The following IFT43 variants were observed in gnomAD, a reference collection of about 807,000 sequenced individuals.
IFT43 encodes the protein intraflagellar transport protein 43 homolog.
In IFT43, 33 loss-of-function variants were observed where a neutral mutation model predicts 32.3. The observed-to-expected ratio is 1.02, with a 90% confidence interval of 0.77 to 1.37. The LOEUF (loss-of-function observed/expected upper bound fraction) is 1.37. Ranked by LOEUF, IFT43 falls within the 40% of genes most tolerant of loss-of-function variation. The pLI, the probability that IFT43 is intolerant of heterozygous loss-of-function variation, is 0.00. For synonymous variants in IFT43, 93 were observed against 98.2 expected (o/e 0.95, Z 0.31); for missense variants, 274 against 265.9 (o/e 1.03, Z -0.21).
intron 2 of IFT43, among the ~76,000 whole-genome samples, chr14:76,015,689 T>C (rs2036175024): frequency 6.6e-6 from 1 of 152,154 alleles, no homozygotes; most frequent in African/African-American, 2.4e-5. Flanking sequence ...TGAGAGGAAA[T>C]GTGGCTTTGT....
intron 3 of IFT43, among the ~76,000 whole-genome samples, chr14:76,032,377 T>C (rs900196740): frequency 6.6e-6 from 1 of 152,166 alleles, no homozygotes; most frequent in Non-Finnish European, 1.5e-5. Flanking sequence ...ACCTTTTACT[T>C]GTATACTCAG....
At chr14:76,061,959 C>T (rs2037142582) in intron 5 of IFT43, among the ~76,000 whole-genome samples, 1 of 152,128 alleles carries the variant, frequency 6.6e-6, no homozygotes, top group Admixed American at 6.5e-5. Flanking sequence ...TAGGGATGCT[C>T]AGCCTGTACT....
Position 76,032,217 on chromosome 14 carries a change from A to G in IFT43, c.215+9823A>G, listed in dbSNP as rs144476113. Among the ~76,000 whole-genome samples the G allele has an allele frequency of 6.6e-3, 1,009 of 152,200 alleles. 9 individuals are homozygous for G. Among genetic ancestry groups the G allele is most frequent in the South Asian group, 0.02 (98 of 4,824 alleles). On this transcript the variant is annotated intron_variant, in intron 3 of 8. Transcript: ENST00000314067. ...TCTGCCAGCAAACCCTGTTAGGTCT[A>G]CTGTTGAAATACATCTGTTGTCTGA...
chr14:75,988,114 A>G (rs1050771405), intron 1 of IFT43, among the ~76,000 whole-genome samples: 7 of 152,198 alleles, frequency 4.6e-5, no homozygotes, highest in African/African-American at 1.4e-4. Flanking sequence ...TTGTAACTGC[A>G]TTTCTTTGGG....
intron 5 of IFT43, among the ~76,000 whole-genome samples, chr14:76,062,938 A>AAAAAAAAAAAAAAAAAAAGAAAAAAG (rs1485146040): frequency 5.8e-5 from 7 of 120,832 alleles, no homozygotes; most frequent in Admixed American, 1.0e-4. Context: ...AAAAAAAAAA[A>AAAAAAAAAAAAAAAAAAAGAAAAAAG]AAAGAAAATA....
intron 2 of IFT43, among the ~76,000 whole-genome samples, chr14:76,013,452 C>A (rs1303104597): frequency 1.3e-5 from 2 of 152,194 alleles, no homozygotes; most frequent in Non-Finnish European, 2.9e-5. Flanking sequence ...GGCAGCTGGT[C>A]ATAAAACGAG....
intron 5 of IFT43, among the ~76,000 whole-genome samples, chr14:76,081,864 G>A (rs1297188245): frequency 3.3e-5 from 5 of 152,108 alleles, no homozygotes; most frequent in Non-Finnish European, 7.3e-5. Context: ...TGCGGCATCC[G>A]CTTTGTGACA....
intron 3 of IFT43, among the ~76,000 whole-genome samples, chr14:76,027,965 T>C (rs2036435530): frequency 6.6e-6 from 1 of 152,094 alleles, no homozygotes; most frequent in South Asian, 2.1e-4. Flanking sequence ...CACCAAGACA[T>C]TGACTATTTT....
In IFT43 at chr14:75,987,202, G is replaced by A. The variant is rs1025846902; in HGVS notation, c.54+1362G>A. Reference sequence around the variant, plus strand: ...TTTTGTTTTAGCACAACCGCCATATGTAGGATGCTGTATTCAGATACTCAG... The same window carrying A: ...TTTTGTTTTAGCACAACCGCCATATATAGGATGCTGTATTCAGATACTCAG... On this transcript the variant is annotated intron_variant, in intron 1 of 8. Coordinates refer to ENST00000314067, the MANE Select transcript of IFT43 (RefSeq NM_001102564.3). Among the ~76,000 whole-genome samples the A allele has an allele frequency of 2.6e-5, 4 of 152,320 alleles. 1 individual carries two copies. The highest frequency in any genetic ancestry group is 9.6e-5 in the African/African-American group (4 of 41,582).
chr14:75,985,882 G>A (rs1363943932), intron 1 of IFT43, 42 bp downstream of exon 1: 4 of 1,608,290 alleles, frequency 2.5e-6, no homozygotes, highest in African/African-American at 1.3e-5. Flanking sequence ...GGATTTGGCG[G>A]GTGGGGAGGA....
chr14:76,001,117 G>A (rs2035877144), intron 2 of IFT43, among the ~76,000 whole-genome samples: 1 of 152,198 alleles, frequency 6.6e-6, no homozygotes, highest in South Asian at 2.1e-4. Context: ...ATTTTCAGTA[G>A]AGAAGCAGTA....
Position 76,062,938 on chromosome 14 carries a change from A to AAAAAAAAAAAAAAAAAGAAAAAAG in IFT43, c.295+3568_295+3569insAAAAAAAAAAAAAGAAAAAAGAAA, listed in dbSNP as rs1485146040. Among the ~76,000 whole-genome samples the AAAAAAAAAAAAAAAAAGAAAAAAG allele has an allele frequency of 1.0e-3, 125 of 120,796 alleles. 1 individual carries two copies. Among genetic ancestry groups the AAAAAAAAAAAAAAAAAGAAAAAAG allele is most frequent in the Non-Finnish European group, 1.4e-3 (83 of 60,930 alleles). The allele number at this position is 120,796 out of a possible 152,430, so 79.2% of individuals were successfully genotyped here. ...ATCTCAAAAAAAAAAAAAAAAAAAA[A>AAAAAAAAAAAAAAAAAGAAAAAAG]AAAGAAAATACATTAAGTCAAACCA... On this transcript the variant is annotated intron_variant, in intron 5 of 8. Coordinates refer to ENST00000314067, the MANE Select transcript of IFT43 (RefSeq NM_001102564.3).
At chr14:76,052,800 C>T (rs2036939792) in intron 3 of IFT43, among the ~76,000 whole-genome samples, 1 of 152,180 alleles carries the variant, frequency 6.6e-6, no homozygotes, top group Non-Finnish European at 1.5e-5. Flanking sequence ...GTAAATAAAA[C>T]ATATAATAAA....
At chr14:76,042,658 C>T (rs2036728799) in intron 3 of IFT43, among the ~76,000 whole-genome samples, 1 of 152,250 alleles carries the variant, frequency 6.6e-6, no homozygotes, top group Non-Finnish European at 1.5e-5. Flanking sequence ...CCTGCCAGCC[C>T]TGCCATTAAA....
intron 2 of IFT43, among the ~76,000 whole-genome samples, chr14:75,999,788 G>T (rs1288269852): frequency 5.9e-5 from 9 of 152,206 alleles, no homozygotes; most frequent in Admixed American, 5.9e-4. Flanking sequence ...GGGGCTGGGG[G>T]TTTTTAGGGC....
chr14:76,062,928 A>AG (rs1216965870), intron 5 of IFT43, among the ~76,000 whole-genome samples: 1 of 150,670 alleles, frequency 6.6e-6, no homozygotes, highest in Non-Finnish European at 1.5e-5. Flanking sequence ...AAAAAAAAAA[A>AG]AAAAAAAAAA....
chr14:76,058,267 G>A (rs2037062361), intron 3 of IFT43: 4 of 278,372 alleles, frequency 1.4e-5, no homozygotes, highest in Middle Eastern at 2.6e-3. Context: ...AGTGCTGACA[G>A]CTAACAACAC....
At chr14:76,017,483 T>C (rs888785280) in intron 2 of IFT43, among the ~76,000 whole-genome samples, 1 of 152,190 alleles carries the variant, frequency 6.6e-6, no homozygotes, top group African/African-American at 2.4e-5. Flanking sequence ...GCATCCTATG[T>C]TCATCAGGGA....
At chr14:76,036,710 G>A (rs2036606783) in intron 3 of IFT43, among the ~76,000 whole-genome samples, 1 of 151,012 alleles carries the variant, frequency 6.6e-6, no homozygotes, top group Non-Finnish European at 1.5e-5. Flanking sequence ...TGGCCTAGTT[G>A]TTATATTTCT....
Sources: gnomAD v4.1 joint callset for allele counts (sites outside exome capture counted in the v4.1 genomes callset) on GRCh38, gnomAD v4.1.1 for gene constraint, MANE v1.5 for transcripts, NCBI Gene and HGNC (gene_info 2026-07-23, HGNC 2026-07-21) for gene names.